Variants in PARP12 observed in about 807,000 individuals in gnomAD.
PARP12 encodes protein mono-ADP-ribosyltransferase PARP12.
In PARP12, 59 loss-of-function variants were observed where a neutral mutation model predicts 72.4. The observed-to-expected ratio is 0.81, with a 90% CI of 0.66 to 1.01. PARP12 has a LOEUF of 1.01. Among genes scored for constraint, PARP12 ranks in the 50% least tolerant of loss-of-function variants. The pLI, the probability that PARP12 is intolerant of heterozygous loss-of-function variation, is 0.00. For synonymous variants in PARP12, 403 were observed against 371.4 expected, an observed-to-expected ratio of 1.09 and a Z score of -0.98; for missense variants, 851 against 914.0, an observed-to-expected ratio of 0.93 and a Z score of 0.89.
At chr7:140,027,741 T>G (rs1815790688) in intron 9 of PARP12, 1 of 206,218 alleles carries the variant, frequency 4.8e-6, no homozygotes, top group South Asian at 8.1e-5. Flanking sequence ...TTACTATGTT[T>G]GCAAATTGTA....
At chr7:140,038,011 A>T in intron 6 of PARP12, 155 bp from the exon 7 acceptor site, 1 of 985,404 alleles carries the variant, frequency 1.0e-6, no homozygotes, top group African/African-American at 1.7e-5. Context: ...CAGGAGAGAG[A>T]GGCACAGAAT....
At chr7:140,058,069 T>C (rs745605183) in intron 1 of PARP12, 35 bp from the exon 2 acceptor site, 13 of 1,612,350 alleles carry the variant, frequency 8.1e-6, no homozygotes, top group African/African-American at 2.7e-5. Context: ...ATATGTCGAA[T>C]TGAGTCTCCT....
At chr7:140,037,475 A>G (rs900997049) in intron 7 of PARP12, among the ~76,000 whole-genome samples, 1 of 152,206 alleles carries the variant, frequency 6.6e-6, no homozygotes, top group Non-Finnish European at 1.5e-5. Context: ...CTTGTCCTCC[A>G]CACTTGGGGC....
At chr7:140,036,784 A>G (rs914064753) in intron 7 of PARP12, among the ~76,000 whole-genome samples, 5 of 151,798 alleles carry the variant, frequency 3.3e-5, no homozygotes, top group Non-Finnish European at 5.9e-5. Context: ...TACACTCATG[A>G]GGAAATGGCT....
intron 4 of PARP12, among the ~76,000 whole-genome samples, chr7:140,049,637 G>C (rs1414074195): frequency 1.3e-5 from 2 of 152,200 alleles, no homozygotes; most frequent in Non-Finnish European, 2.9e-5. Flanking sequence ...CCTCCAGGCT[G>C]ATGCTTCCTC....
intron 8 of PARP12, among the ~76,000 whole-genome samples, chr7:140,030,930 A>G (rs1376498308): frequency 6.6e-6 from 1 of 152,206 alleles, no homozygotes; most frequent in African/African-American, 2.4e-5. Context: ...GAAAGGACAA[A>G]GTGGTAAAAA....
chr7:140,048,099 A>G (rs1816811241), intron 4 of PARP12, among the ~76,000 whole-genome samples: 1 of 152,178 alleles, frequency 6.6e-6, no homozygotes, highest in Non-Finnish European at 1.5e-5. Context: ...AGCCAGATTC[A>G]TCCCTACCAG....
Position 140,046,977 on chromosome 7 carries a change from G to A in PARP12, c.893C>T (p.Pro298Leu), listed in dbSNP as rs370308496. ...TCTATCCAAGAATTGCCATCGATAC[G>A]GCAAATGGAAATGAACTCTATGGCA... ...DKCHRVHFHLPYRWQFLDRGK... is the reference protein window; with the variant it reads ...DKCHRVHFHLLYRWQFLDRGK... The change falls in exon 5 of 12, where the codon CCG becomes CTG. Residue 298 changes from proline (P) to leucine (L), a missense_variant. Transcript: ENST00000263549. 5.0e-6 allele frequency: 8 copies of A among 1,613,466 alleles called. No individual in the cohort carries two copies. Among genetic ancestry groups the A allele is most frequent in the East Asian group, 2.2e-5 (1 of 44,876 alleles).
At chr7:140,038,168 T>C in intron 6 of PARP12, 2 of 985,408 alleles carry the variant, frequency 2.0e-6, no homozygotes, top group Non-Finnish European at 2.4e-6. Context: ...GCCATTCAAA[T>C]GCCGGCAGAA....
chr7:140,026,435 A>G (rs1187323790), intron 10 of PARP12, 87 bp from the exon 11 acceptor site: 1 of 1,527,158 alleles, frequency 6.5e-7, no homozygotes, highest in East Asian at 2.3e-5. Flanking sequence ...ACATTTTTCC[A>G]AAATTCCAAA....
chr7:140,035,535 GC>G (rs1816116086), intron 7 of PARP12, among the ~76,000 whole-genome samples: 1 of 152,128 alleles, frequency 6.6e-6, no homozygotes, highest in Admixed American at 6.5e-5. Context: ...GGGGAATTCT[GC>G]CCCGTCAGAC....
chr7:140,042,590 G>A (rs1569527480), intron 5 of PARP12, among the ~76,000 whole-genome samples: 1 of 152,212 alleles, frequency 6.6e-6, no homozygotes, highest in African/African-American at 2.4e-5. Flanking sequence ...ACGGCAGGAG[G>A]CTGAATCTCA....
At chr7:140,061,372 T>C (rs1164330833) in intron 1 of PARP12, among the ~76,000 whole-genome samples, 1 of 152,222 alleles carries the variant, frequency 6.6e-6, no homozygotes, top group Non-Finnish European at 1.5e-5. Context: ...CCTGAATGAC[T>C]GTATGGATCA....
At chr7:140,056,801 C>T (rs1562930595) in intron 3 of PARP12, 55 bp downstream of exon 3, 2 of 1,492,334 alleles carry the variant, frequency 1.3e-6, no homozygotes, top group East Asian at 4.6e-5. Context: ...CGGGAACCCC[C>T]AGCCCAGGAC....
Position 140,034,292 on chromosome 7 carries a change from T to G in PARP12, c.1364A>C (p.Lys455Thr). Residue 455 changes from lysine (K) to threonine (T), a missense_variant, in exon 8 of 12, where the codon AAG (lysine) becomes ACG (threonine). Physicochemically the swap from Lys to Thr is moderately conservative, Grantham distance 78. This residue lies in a region of PARP12 where 347 missense variants were observed against 396.1 expected (regional missense o/e 0.88). Coordinates refer to ENST00000263549, the MANE Select transcript of PARP12 (RefSeq NM_022750.4). ...CACGTATTTGGGTCTGCGGCAAACC[T>G]TTTTAGTTGTGCCATAGACCAGGTT... is the stretch of plus-strand genomic sequence containing the variant. Reference protein sequence around the residue: ...QKNLVYGTTKKVCRRPKYVSP... With the variant: ...QKNLVYGTTKTVCRRPKYVSP... The G allele has an allele frequency of 6.2e-7, 1 of 1,611,930 alleles. No individual in the cohort carries two copies. Among genetic ancestry groups the G allele is most frequent in the Non-Finnish European group, 8.5e-7 (1 of 1,178,670 alleles).
chr7:140,046,058 C>G (rs1401631401), intron 5 of PARP12, among the ~76,000 whole-genome samples: 1 of 152,214 alleles, frequency 6.6e-6, no homozygotes, highest in Admixed American at 6.5e-5. Context: ...AGAATGCTGG[C>G]TACACAAGTG....
intron 8 of PARP12, 131 bp from the exon 9 acceptor site, chr7:140,028,819 G>T (rs1017880678): frequency 5.4e-6 from 4 of 736,670 alleles, no homozygotes; most frequent in Non-Finnish European, 8.7e-6. Flanking sequence ...GCAGGTAGAA[G>T]GCAAGGAAGA....
At chr7:140,030,336 G>A (rs943725804) in intron 8 of PARP12, among the ~76,000 whole-genome samples, 3 of 152,174 alleles carry the variant, frequency 2.0e-5, no homozygotes, top group Admixed American at 6.5e-5. Flanking sequence ...AGTGGCCCAC[G>A]CCTGTAATCC....
chr7:140,027,538 T>C (rs1169304877), intron 9 of PARP12, 132 bp from the exon 10 acceptor site: 9 of 1,124,852 alleles, frequency 8.0e-6, no homozygotes, highest in South Asian at 4.5e-5. Context: ...CACATTCTCC[T>C]GTGGTTTCTC....
Sources: allele counts gnomAD v4.1 joint callset (sites outside exome capture counted in the v4.1 genomes callset), GRCh38; gene constraint gnomAD v4.1.1; regional missense constraint gnomAD v4.1.1; transcripts MANE v1.5; gene names NCBI Gene and HGNC (gene_info 2026-07-23, HGNC 2026-07-21).